CNTRL: variants seen among roughly 807,000 people sequenced by gnomAD.
CNTRL encodes centriolin.
CNTRL carries 233 observed loss-of-function variants against 303.7 expected under a neutral mutation model. That is an observed-to-expected ratio of 0.77 (90% CI 0.69 to 0.86). The LOEUF (loss-of-function observed/expected upper bound fraction) is 0.86, where lower values mean the gene tolerates loss of function less well. CNTRL is among the 40% of genes least tolerant of loss of function. The probability of loss-of-function intolerance (pLI) is 0.00; values close to 1 mark genes in which losing one functional copy is unlikely to be tolerated. For missense variants in CNTRL, 2,524 were observed against 2,650.6 expected, an observed-to-expected ratio of 0.95 and a Z score of 1.05; for synonymous variants, 900 against 922.2, an observed-to-expected ratio of 0.98 and a Z score of 0.44.
chr9:121,138,635 G>T lies in CNTRL; in HGVS notation c.2293G>T (p.Glu765Ter). Residue 765 changes from glutamate (E) to a stop codon, truncating the protein, a stop_gained, in exon 16 of 44, where the codon GAG becomes TAG. Coordinates refer to ENST00000373855, the MANE Select transcript of CNTRL (RefSeq NM_007018.6). LOFTEE classifies it high-confidence loss of function. ...AAAAGCCCAGTTCTCAGAAGAAAAG[G>T]AGCAAGAGAACAGTGAGCTCCATGC... Reference protein sequence around the residue: ...LGKAQFSEEKEQENSELHAKL... With the variant: ...LGKAQFSEEK The T allele has an allele frequency of 6.2e-7, 1 of 1,613,934 alleles. No homozygotes were observed. Among genetic ancestry groups the T allele is most frequent in the South Asian group, 1.1e-5 (1 of 91,060 alleles).
chr9:121,137,389 A>T (rs2051256289), intron 15 of CNTRL, among the ~76,000 whole-genome samples: 1 of 152,168 alleles, frequency 6.6e-6, no homozygotes, highest in Non-Finnish European at 1.5e-5. Context: ...AGCTCAGTGA[A>T]TGCCCAAATT....
At chr9:121,142,879 G>T (rs2051599402) in intron 19 of CNTRL, among the ~76,000 whole-genome samples, 1 of 151,398 alleles carries the variant, frequency 6.6e-6, no homozygotes, top group South Asian at 2.1e-4. Flanking sequence ...TTTCTTACTT[G>T]TCCAACTTAA....
At chr9:121,123,139 T>A (rs1350721435) in intron 12 of CNTRL, among the ~76,000 whole-genome samples, 1 of 151,766 alleles carries the variant, frequency 6.6e-6, no homozygotes, top group Non-Finnish European at 1.5e-5. Flanking sequence ...GTTTTTTAAA[T>A]ATAAAAATAC....
Position 121,177,490 on chromosome 9 carries a change from A to G in CNTRL, c.*304A>G, listed in dbSNP as rs2053574203. ...TTTTAACTGCATATTTGAACCTACAAACTGGTAAATCTTATTAACAAAAAG... is the reference window on the plus strand; with the variant it reads ...TTTTAACTGCATATTTGAACCTACAGACTGGTAAATCTTATTAACAAAAAG... On this transcript the variant is annotated 3_prime_UTR_variant, in exon 44 of 44. Coordinates refer to ENST00000373855, the MANE Select transcript of CNTRL (RefSeq NM_007018.6). 1 of 322,070 alleles carries G rather than the reference A, an allele frequency of 3.1e-6. No individual in the cohort carries two copies. Among genetic ancestry groups the G allele is most frequent in the Non-Finnish European group, 5.6e-6 (1 of 178,442 alleles). The allele number at this position is 322,070 out of a possible 1,614,324, so 20.0% of individuals were successfully genotyped here. A position where few individuals can be genotyped will look rare whatever the true frequency, so the allele number is the denominator to read the frequency against.
intron 8 of CNTRL, 136 bp from the exon 9 acceptor site, chr9:121,112,323 C>T: frequency 2.0e-6 from 1 of 508,170 alleles, no homozygotes; most frequent in Non-Finnish European, 3.3e-6. Context: ...ATAAAATGTT[C>T]TGAGTGTTGT....
intron 5 of CNTRL, among the ~76,000 whole-genome samples, chr9:121,095,792 C>G (rs1382157349): frequency 6.6e-6 from 1 of 152,056 alleles, no homozygotes; most frequent in East Asian, 1.9e-4. Context: ...AATATTTACC[C>G]AGTGTAGATA....
rs997623671 is a variant in CNTRL, at chr9:121,159,006, G to A, written c.4916G>A (p.Cys1639Tyr). Residue 1639 changes from cysteine (C) to tyrosine (Y), a missense_variant, in exon 31 of 44, where the codon TGC (cysteine) becomes TAC (tyrosine). Physicochemically the swap from Cys to Tyr is radical, Grantham distance 194 (BLOSUM62 -2). Coordinates refer to ENST00000373855, the MANE Select transcript of CNTRL (RefSeq NM_007018.6). The part of the protein sequence containing the change: ...RLGETEVTEK[C>Y]NHIREVKSLL... Reference sequence around the variant, plus strand: ...GGAGAGACTGAAGTAACTGAGAAGTGCAATCACATTAGGGTGTGTTTTTTA... The same window carrying A: ...GGAGAGACTGAAGTAACTGAGAAGTACAATCACATTAGGGTGTGTTTTTTA... 11 of 1,614,008 alleles carry A rather than the reference G, an allele frequency of 6.8e-6. No individual in the cohort carries two copies. The highest frequency in any genetic ancestry group is 6.7e-5 in the Admixed American group (4 of 60,002).
At chr9:121,163,190 A>T (rs945044532) in intron 34 of CNTRL, among the ~76,000 whole-genome samples, 4 of 144,544 alleles carry the variant, frequency 2.8e-5, no homozygotes, top group African/African-American at 1.0e-4. Context: ...AAAAAAAAAA[A>T]TAATAATAAA....
chr9:121,166,549 T>C (rs1051616515), intron 36 of CNTRL, among the ~76,000 whole-genome samples: 1 of 152,166 alleles, frequency 6.6e-6, no homozygotes, highest in African/African-American at 2.4e-5. Flanking sequence ...GATTACTCCT[T>C]GAGCCATAGA....
chr9:121,177,024 C>A, intron 43 of CNTRL, 139 bp from the exon 44 acceptor site: 1 of 679,634 alleles, frequency 1.5e-6, no homozygotes, highest in Non-Finnish European at 2.6e-6. Context: ...GAATTTTGTA[C>A]ACTGGTTCAT....
At chr9:121,102,750 A>T (rs914116058) in intron 7 of CNTRL, among the ~76,000 whole-genome samples, 19 of 152,308 alleles carry the variant, frequency 1.2e-4, no homozygotes, top group African/African-American at 4.6e-4. Flanking sequence ...CCTATACACC[A>T]ATGATAGACA....
At chr9:121,117,233 G>C (rs1299829803) in intron 11 of CNTRL, among the ~76,000 whole-genome samples, 2 of 152,132 alleles carry the variant, frequency 1.3e-5, no homozygotes, top group Non-Finnish European at 2.9e-5. Flanking sequence ...TATTTAGTAT[G>C]AGATGATTGT....
chr9:121,177,199 T>C lies in CNTRL; in HGVS notation c.*13T>C, dbSNP rs1319633354. 6.2e-7 allele frequency: 1 copy of C among 1,604,352 alleles called. No individual in the cohort carries two copies. The highest frequency in any genetic ancestry group is 2.2e-5 in the East Asian group (1 of 44,630). The stretch of plus-strand genomic sequence containing the variant: ...CTCAGCCAGATGAGGAATACTGTCT[T>C]GTGTAAATATATTCAAGGAAAACAC... On this transcript the variant is annotated 3_prime_UTR_variant, in exon 44 of 44. Coordinates refer to ENST00000373855, the MANE Select transcript of CNTRL (RefSeq NM_007018.6).
At chr9:121,080,673 T>A (rs2048103960) in intron 2 of CNTRL, among the ~76,000 whole-genome samples, 195 bp downstream of exon 2, 1 of 152,206 alleles carries the variant, frequency 6.6e-6, no homozygotes, top group South Asian at 2.1e-4. Flanking sequence ...GATTTTCTTG[T>A]GAGACTTAAG....
intron 19 of CNTRL, 81 bp downstream of exon 19, chr9:121,142,351 G>GGT: frequency 7.9e-7 from 1 of 1,273,450 alleles, no homozygotes; most frequent in East Asian, 2.5e-5. Context: ...AGCTGAGATG[G>GGT]GTGTGATCTG....
At chr9:121,140,550 A>T in intron 16 of CNTRL, 91 bp from the exon 17 acceptor site, 2 of 1,116,008 alleles carry the variant, frequency 1.8e-6, no homozygotes, top group Non-Finnish European at 1.2e-6. Flanking sequence ...GTCTGAATTT[A>T]GTTCTGTGGT....
At chr9:121,081,210 A>ACC (rs2048126554) in intron 2 of CNTRL, among the ~76,000 whole-genome samples, 1 of 152,218 alleles carries the variant, frequency 6.6e-6, no homozygotes, top group Non-Finnish European at 1.5e-5. Context: ...CTGTATAATC[A>ACC]CAGCTTATAT....
At chr9:121,174,470 C>T (rs2053441719) in intron 42 of CNTRL, among the ~76,000 whole-genome samples, 1 of 152,170 alleles carries the variant, frequency 6.6e-6, no homozygotes, top group South Asian at 2.1e-4. Context: ...TGTCTAGTGG[C>T]TTCTATATTT....
At chr9:121,080,064 G>A (rs1388663099) in intron 1 of CNTRL, among the ~76,000 whole-genome samples, 1 of 152,128 alleles carries the variant, frequency 6.6e-6, no homozygotes, top group Non-Finnish European at 1.5e-5. Context: ...ACATAATCTA[G>A]ACTCCAGGAA....
Sources: allele counts gnomAD v4.1 joint callset (sites outside exome capture counted in the v4.1 genomes callset), GRCh38; gene constraint gnomAD v4.1.1; transcripts MANE v1.5; gene names NCBI Gene and HGNC (gene_info 2026-07-23, HGNC 2026-07-21).